The following MACROD2 variants were observed in gnomAD, a reference collection of about 807,000 sequenced individuals.
MACROD2 encodes mono-ADP ribosylhydrolase 2.
Under a neutral mutation model 70.4 loss-of-function variants are expected in MACROD2, and 36 were observed. The observed-to-expected ratio is 0.51, with a 90% confidence interval of 0.39 to 0.68. The LOEUF (loss-of-function observed/expected upper bound fraction) is 0.68. MACROD2 is among the 30% of genes least tolerant of loss of function. The probability of loss-of-function intolerance (pLI) is 0.00; values close to 1 mark genes in which losing one functional copy is unlikely to be tolerated. For missense variants in MACROD2, 496 were observed against 538.4 expected, an observed-to-expected ratio of 0.92 and a Z score of 0.78; for synonymous variants, 172 against 178.8, an observed-to-expected ratio of 0.96 and a Z score of 0.30.
At chr20:14,274,858 C>T (rs1273744254) in intron 3 of MACROD2, among the ~76,000 whole-genome samples, 19 of 150,506 alleles carry the variant, frequency 1.3e-4, no homozygotes, top group African/African-American at 4.1e-4. Context: ...CAATAACAGA[C>T]AAACAGAGAG....
At chr20:15,895,214 G>C (rs2064952414) in intron 10 of MACROD2, among the ~76,000 whole-genome samples, 2 of 152,178 alleles carry the variant, frequency 1.3e-5, no homozygotes, top group African/African-American at 4.8e-5. Context: ...CAGTTGCTTT[G>C]TTTAGGAACA....
chr20:14,623,809 C>CA (rs1983972857), intron 4 of MACROD2, among the ~76,000 whole-genome samples: 1 of 152,128 alleles, frequency 6.6e-6, no homozygotes, highest in Admixed American at 6.5e-5. Context: ...CTGGCCCCTA[C>CA]AAAAAACATA....
intron 3 of MACROD2, among the ~76,000 whole-genome samples, chr20:14,391,015 A>C (rs1429760005): frequency 6.6e-6 from 1 of 152,128 alleles, no homozygotes; most frequent in African/African-American, 2.4e-5. Context: ...GCACTTACAT[A>C]CTGTTGGTGG....
chr20:14,768,444 G>A (rs1173228065), intron 5 of MACROD2, among the ~76,000 whole-genome samples: 1 of 152,100 alleles, frequency 6.6e-6, no homozygotes, highest in Non-Finnish European at 1.5e-5. Context: ...GTTGGACTGT[G>A]TGTAATCTTA....
At chr20:14,780,137 G>A (rs985798244) in intron 5 of MACROD2, among the ~76,000 whole-genome samples, 4 of 152,042 alleles carry the variant, frequency 2.6e-5, no homozygotes, top group Non-Finnish European at 5.9e-5. Flanking sequence ...GAGGTGAAAG[G>A]GTCACTTGAT....
intron 3 of MACROD2, among the ~76,000 whole-genome samples, chr20:14,342,210 C>T (rs1385920007): frequency 6.6e-6 from 1 of 152,098 alleles, no homozygotes; most frequent in Non-Finnish European, 1.5e-5. Context: ...GGGCATGATC[C>T]AAAGGAAAAT....
chr20:15,317,623 A>G (rs1395538702), intron 6 of MACROD2, among the ~76,000 whole-genome samples: 1 of 151,950 alleles, frequency 6.6e-6, no homozygotes, highest in Non-Finnish European at 1.5e-5. Context: ...AAAAAAGTTG[A>G]GAATATAAGT....
chr20:14,750,025 T>C (rs1441421298), intron 5 of MACROD2, among the ~76,000 whole-genome samples: 1 of 152,142 alleles, frequency 6.6e-6, no homozygotes, highest in Non-Finnish European at 1.5e-5. Context: ...TTAACACTTC[T>C]GAACTATACA....
In MACROD2 at chr20:15,229,954, G is replaced by A; in HGVS notation, c.433G>A (p.Val145Ile). The stretch of plus-strand genomic sequence containing the variant: ...TGTATTTACAGATGTCATCCATACT[G>A]TAGGGCCAATAGCCAGGGGCCATAT... Reference protein sequence around the residue: ...DLPAKYVIHTVGPIARGHING... With the variant: ...DLPAKYVIHTIGPIARGHING... Residue 145 changes from valine to isoleucine, a missense_variant, in exon 6 of 18, where the codon GTA becomes ATA. Val to Ile is a conservative substitution (Grantham distance 29). Transcript: ENST00000684519. 6.2e-7 allele frequency: 1 copy of A among 1,613,372 alleles called. No homozygotes were observed. Among genetic ancestry groups the A allele is most frequent in the Non-Finnish European group, 8.5e-7 (1 of 1,179,666 alleles).
intron 6 of MACROD2, among the ~76,000 whole-genome samples, chr20:15,394,259 C>G (rs2045831916): frequency 6.6e-6 from 1 of 152,176 alleles, no homozygotes; most frequent in Admixed American, 6.5e-5. Context: ...CTAGGAGCAT[C>G]TATTAGAACA....
At chr20:14,504,769 T>C (rs1017761843) in intron 4 of MACROD2, among the ~76,000 whole-genome samples, 1 of 152,196 alleles carries the variant, frequency 6.6e-6, no homozygotes, top group African/African-American at 2.4e-5. Context: ...GTATTTTCAA[T>C]AATCAGAAAT....
intron 6 of MACROD2, among the ~76,000 whole-genome samples, chr20:15,391,437 C>T (rs2045790313): frequency 6.6e-6 from 1 of 152,208 alleles, no homozygotes; most frequent in Non-Finnish European, 1.5e-5. Context: ...TGAACAGGTG[C>T]TTGGAGCTGT....
At position 14,771,562 on chromosome 20, in the gene MACROD2, A is replaced by G. The variant is rs536422689; in HGVS notation, c.418+86603A>G. Among the ~76,000 whole-genome samples, 3 of 151,892 alleles carry G rather than the reference A, an allele frequency of 2.0e-5. No homozygotes were observed. The East Asian group carries it at 5.8e-4, about 29-fold the overall frequency. On this transcript the variant is annotated intron_variant, in intron 5 of 17. Transcript: ENST00000684519. ...GTGACACATTTTGTATGAATGTCAC[A>G]ATATACCATACCCTAAAATACATCA...
intron 10 of MACROD2, among the ~76,000 whole-genome samples, chr20:15,923,958 G>T (rs1350708743): frequency 1.3e-5 from 2 of 152,292 alleles, no homozygotes; most frequent in East Asian, 3.9e-4. Flanking sequence ...AATACACATA[G>T]ACCACCCTCT....
At chr20:15,807,527 T>C (rs561372421) in intron 8 of MACROD2, among the ~76,000 whole-genome samples, 1 of 152,276 alleles carries the variant, frequency 6.6e-6, no homozygotes, top group Non-Finnish European at 1.5e-5. Context: ...CGTTTGTCCA[T>C]TGAGCAATGG....
At chr20:15,874,397 T>C (rs1004688674) in intron 9 of MACROD2, among the ~76,000 whole-genome samples, 4 of 152,066 alleles carry the variant, frequency 2.6e-5, no homozygotes, top group African/African-American at 7.2e-5. Flanking sequence ...GTCTTCATAG[T>C]AGCATGATTT....
chr20:15,461,006 ATT>A lies in MACROD2; in HGVS notation c.571+29579_571+29580del, dbSNP rs951397131. Among the ~76,000 whole-genome samples the A allele has an allele frequency of 9.5e-3, 634 of 67,016 alleles. 18 individuals are homozygous for A. Among genetic ancestry groups the A allele is most frequent in the East Asian group, 0.021 (34 of 1,634 alleles). The allele number at this position is 67,016 out of a possible 152,430, so 44.0% of individuals were successfully genotyped here. On this transcript the variant is annotated intron_variant, in intron 7 of 17. Coordinates refer to ENST00000684519, the MANE Select transcript of MACROD2 (RefSeq NM_001351661.2). Reference sequence around the variant, plus strand: ...TATATATATATATATATATATATATATTTTTTTTTAATAGATGGGGTCTTGCT... The same window carrying A: ...TATATATATATATATATATATATATATTTTTTTAATAGATGGGGTCTTGCT...
Position 15,579,892 on chromosome 20 carries a change from G to A in MACROD2, c.645+80045G>A, listed in dbSNP as rs116089574. Among the ~76,000 whole-genome samples, 1,419 of 152,262 alleles carry A rather than the reference G, an allele frequency of 9.3e-3. 23 individuals are homozygous for A. Among genetic ancestry groups the A allele is most frequent in the African/African-American group, 0.032 (1,312 of 41,550 alleles). ...GCTGGAAATTGCTTATTATTAGCTT[G>A]CAAATCCTACAGGAAAACACAGAAT... On this transcript the variant is annotated intron_variant, in intron 8 of 17. Coordinates refer to ENST00000684519, the MANE Select transcript of MACROD2 (RefSeq NM_001351661.2).
chr20:15,849,471 C>T (rs1405584790), intron 8 of MACROD2, among the ~76,000 whole-genome samples: 2 of 152,148 alleles, frequency 1.3e-5, no homozygotes, highest in Non-Finnish European at 2.9e-5. Flanking sequence ...CAGTGGGCCC[C>T]GTTCCTTCGA....
Sources: gnomAD v4.1 joint callset for allele counts (sites outside exome capture counted in the v4.1 genomes callset) on GRCh38, gnomAD v4.1.1 for gene constraint, MANE v1.5 for transcripts, NCBI Gene and HGNC (gene_info 2026-07-23, HGNC 2026-07-21) for gene names.